Variants in LAMA1 observed in about 807,000 individuals in gnomAD.
The protein encoded by LAMA1 is laminin subunit alpha 1, also known as laminin subunit alpha-1.
LAMA1 carries 219 observed loss-of-function variants against 348.7 expected under a neutral mutation model. The observed-to-expected ratio is 0.63, with a 90% CI of 0.56 to 0.70. The LOEUF (loss-of-function observed/expected upper bound fraction) is 0.70. LAMA1 is among the 30% of genes least tolerant of loss of function. LAMA1 has a pLI of 0.00. For missense variants in LAMA1, 3,744 were observed against 3,888.0 expected (o/e 0.96, Z 0.99); for synonymous variants, 1,487 against 1,491.0 (o/e 1.00, Z 0.06).
At chr18:7,059,142 G>T (rs963059099) in intron 3 of LAMA1, among the ~76,000 whole-genome samples, 1 of 152,036 alleles carries the variant, frequency 6.6e-6, no homozygotes, top group Admixed American at 6.6e-5. Context: ...CACCTGCCTC[G>T]GCCTCCCAAA....
chr18:6,978,002 A>G, intron 43 of LAMA1, 121 bp from the exon 44 acceptor site: 1 of 1,294,358 alleles, frequency 7.7e-7, no homozygotes, highest in South Asian at 1.2e-5. Flanking sequence ...AAGCCATGAC[A>G]TTGTGGTACA....
At chr18:7,046,453 T>C (rs2058042357) in intron 5 of LAMA1, 86 bp from the exon 6 acceptor site, 1 of 766,582 alleles carries the variant, frequency 1.3e-6, no homozygotes, top group Non-Finnish European at 2.3e-6. Flanking sequence ...ATATCTCATG[T>C]AGTTTAAGAG....
chr18:6,964,918 T>A, intron 50 of LAMA1, 115 bp from the exon 51 acceptor site: 1 of 1,219,344 alleles, frequency 8.2e-7, no homozygotes, highest in Middle Eastern at 2.5e-4. Context: ...TTTTAGATTC[T>A]GCGAATTTGA....
At chr18:7,080,124 G>C (rs1271077215) in intron 2 of LAMA1, 37 bp from the exon 3 acceptor site, 3 of 1,576,452 alleles carry the variant, frequency 1.9e-6, no homozygotes, top group Non-Finnish European at 2.6e-6. Context: ...ATTCCTCTCG[G>C]CTGTTGCTTT....
At position 6,978,343 on chromosome 18, in the gene LAMA1, C is replaced by A; in HGVS notation, c.6043G>T (p.Ala2015Ser). Residue 2015 changes from alanine (A) to serine (S), a missense_variant, in exon 43 of 63, where the codon GCC becomes TCC. Ala to Ser is a moderately conservative substitution (Grantham distance 99, BLOSUM62 1). Around this residue, in one of 3 missense-constraint regions of LAMA1, gnomAD observed 1,983 missense variants for 1,934.3 expected, o/e 1.03. Coordinates refer to ENST00000389658, the MANE Select transcript of LAMA1 (RefSeq NM_005559.4). ...ACCGCGCTCTGGCTTGCAGACGTGGCCAGCTCTTTGGTTTTGGCTCCCTTG... is the reference window on the plus strand; with the variant it reads ...ACCGCGCTCTGGCTTGCAGACGTGGACAGCTCTTTGGTTTTGGCTCCCTTG... ...RDKGAKTKEL[A>S]TSASQSAVST... The A allele has an allele frequency of 6.2e-7, 1 of 1,614,146 alleles. No homozygotes were observed.
intron 56 of LAMA1, chr18:6,955,803 T>C: frequency 2.6e-6 from 1 of 391,698 alleles, no homozygotes; most frequent in Non-Finnish European, 4.9e-6. Context: ...GACCCGAGGT[T>C]TTGGGAATGG....
chr18:6,992,044 C>T (rs1205233830), intron 36 of LAMA1, among the ~76,000 whole-genome samples: 1 of 152,150 alleles, frequency 6.6e-6, no homozygotes, highest in African/African-American at 2.4e-5. Context: ...AAGATAAAAG[C>T]TGGAAAGGAA....
At chr18:6,993,538 A>C in intron 35 of LAMA1, 103 bp downstream of exon 35, 1 of 906,826 alleles carries the variant, frequency 1.1e-6, no homozygotes, top group Non-Finnish European at 1.9e-6. Flanking sequence ...GGTTCCGGAA[A>C]CCCGATGCAA....
chr18:6,962,334 C>T (rs2057612105), intron 51 of LAMA1, among the ~76,000 whole-genome samples: 1 of 150,026 alleles, frequency 6.7e-6, no homozygotes, highest in Admixed American at 6.8e-5. Flanking sequence ...ATTGCTTGAG[C>T]CCAGGAGTTT....
chr18:7,115,937 C>G (rs957861131), intron 1 of LAMA1, among the ~76,000 whole-genome samples: 1 of 151,874 alleles, frequency 6.6e-6, no homozygotes, highest in African/African-American at 2.4e-5. Flanking sequence ...CGAGATGGTG[C>G]CACTCCACTC....
intron 3 of LAMA1, among the ~76,000 whole-genome samples, chr18:7,073,513 C>A (rs2058154424): frequency 6.6e-6 from 1 of 152,176 alleles, no homozygotes; most frequent in Non-Finnish European, 1.5e-5. Context: ...TATAATATTT[C>A]TTCTTTTGTG....
Position 6,964,691 on chromosome 18 carries a change from C to G in LAMA1, c.7308G>C (p.Val2436=), listed in dbSNP as rs1311619160. Residue 2436 remains valine (V), a synonymous_variant, in exon 51 of 63, where the codon GTG becomes GTC. Coordinates refer to ENST00000389658, the MANE Select transcript of LAMA1 (RefSeq NM_005559.4). ...CAACTCTTGACCTTGGTAATCCACC[C>G]ACATAAATCGGGTCCTTGTCTAGGC... ...LNRLDKDPIY[V]GGLPRSRVVR... 1 of 1,614,178 alleles carries G rather than the reference C, an allele frequency of 6.2e-7. No homozygotes were observed. Among genetic ancestry groups the G allele is most frequent in the Non-Finnish European group, 8.5e-7 (1 of 1,180,034 alleles).
intron 29 of LAMA1, among the ~76,000 whole-genome samples, chr18:7,003,505 G>A (rs1270389739): frequency 3.3e-5 from 5 of 152,174 alleles, no homozygotes; most frequent in Admixed American, 6.6e-5. Context: ...TGATCTGCCC[G>A]CCTCGGCCTC....
intron 1 of LAMA1, among the ~76,000 whole-genome samples, chr18:7,082,002 T>C (rs1320055152): frequency 6.6e-6 from 1 of 152,216 alleles, no homozygotes; most frequent in Non-Finnish European, 1.5e-5. Flanking sequence ...CAATGATCTT[T>C]TCCATTATAA....
intron 5 of LAMA1, among the ~76,000 whole-genome samples, chr18:7,048,178 GA>G (rs1168217747): frequency 6.6e-6 from 1 of 152,060 alleles, no homozygotes; most frequent in Non-Finnish European, 1.5e-5. Context: ...CAGTAACAAG[GA>G]GGCTTATTTT....
chr18:7,007,153 T>C lies in LAMA1; in HGVS notation c.4246A>G (p.Thr1416Ala). 6.2e-7 allele frequency: 1 copy of C among 1,613,938 alleles called. No homozygotes were observed. Among genetic ancestry groups the C allele is most frequent in the Non-Finnish European group, 8.5e-7 (1 of 1,179,992 alleles). The change falls in exon 29 of 63, where the codon ACC becomes GCC. Residue 1416 changes from threonine to alanine, a missense_variant. By Grantham distance (58) the Thr-to-Ala change is moderately conservative. Around this residue, in one of 3 missense-constraint regions of LAMA1, gnomAD observed 1,983 missense variants for 1,934.3 expected, o/e 1.03. Coordinates refer to ENST00000389658, the MANE Select transcript of LAMA1 (RefSeq NM_005559.4). Reference protein sequence around the residue: ...NNHSDTCDPNTGKCLNCGDNT... With the variant: ...NNHSDTCDPNAGKCLNCGDNT... ...AACCAGCATACCAGACACTTCCCGGTGTTGGGGTCACAGGTGTCACTGTGG... is the reference window on the plus strand; with the variant it reads ...AACCAGCATACCAGACACTTCCCGGCGTTGGGGTCACAGGTGTCACTGTGG...
At chr18:7,108,629 A>T (rs2058323436) in intron 1 of LAMA1, among the ~76,000 whole-genome samples, 1 of 114,352 alleles carries the variant, frequency 8.7e-6, no homozygotes, top group Non-Finnish European at 1.7e-5. Flanking sequence ...GCACTGAGAC[A>T]GACTCTGTCT....
At chr18:6,977,424 C>T (rs573594884) in intron 44 of LAMA1, among the ~76,000 whole-genome samples, 26 of 152,334 alleles carry the variant, frequency 1.7e-4, no homozygotes, top group African/African-American at 6.3e-4. Flanking sequence ...ACATGTTCCG[C>T]ACTGTCCAGG....
At chr18:7,116,543 C>T (rs751160164) in intron 1 of LAMA1, among the ~76,000 whole-genome samples, 6 of 152,176 alleles carry the variant, frequency 3.9e-5, no homozygotes, top group Non-Finnish European at 8.8e-5. Context: ...GCACAATGCC[C>T]AAACACACGT....
Sources: allele counts gnomAD v4.1 joint callset (sites outside exome capture counted in the v4.1 genomes callset), GRCh38; gene constraint gnomAD v4.1.1; regional missense constraint gnomAD v4.1.1; transcripts MANE v1.5; gene names NCBI Gene and HGNC (gene_info 2026-07-23, HGNC 2026-07-21).